The following RAPGEF2 variants were observed in gnomAD, a reference collection of about 807,000 sequenced individuals.
RAPGEF2 encodes the protein PDZ domain containing guanine nucleotide exchange factor (GEF) 1.
Under a neutral mutation model 186.7 loss-of-function variants are expected in RAPGEF2, and 54 were observed. That is an observed-to-expected ratio of 0.29 (90% CI 0.23 to 0.36). The LOEUF is 0.36. Ranked by LOEUF, RAPGEF2 falls within the 10% of genes least tolerant of loss-of-function variation. The pLI is 1.00. For missense variants in RAPGEF2, 1,532 were observed against 2,045.0 expected (o/e 0.75, Z 4.84); for synonymous variants, 712 against 705.9 (o/e 1.01, Z -0.14).
At chr4:159,113,519 T>A (rs929680158) in intron 1 of RAPGEF2, among the ~76,000 whole-genome samples, 1 of 152,038 alleles carries the variant, frequency 6.6e-6, no homozygotes, top group Non-Finnish European at 1.5e-5. Context: ...GGCGGGTGGA[T>A]CACCTGAAGT....
chr4:159,345,386 G>T (rs1231520649), intron 24 of RAPGEF2, 57 bp downstream of exon 24: 7 of 1,525,180 alleles, frequency 4.6e-6, no homozygotes, highest in Non-Finnish European at 6.3e-6. Flanking sequence ...TTTGTTTCCT[G>T]TGCAGTGGTA....
chr4:159,194,517 G>A (rs1748426258), intron 3 of RAPGEF2, among the ~76,000 whole-genome samples: 1 of 152,008 alleles, frequency 6.6e-6, no homozygotes, highest in African/African-American at 2.4e-5. Context: ...TCCCCTCCCA[G>A]CTCCAACTGG....
At chr4:159,239,270 G>A (rs1381467918) in intron 5 of RAPGEF2, among the ~76,000 whole-genome samples, 1 of 152,116 alleles carries the variant, frequency 6.6e-6, no homozygotes, top group Non-Finnish European at 1.5e-5. Flanking sequence ...GTTTGCTGGT[G>A]TGAGAACAAT....
chr4:159,137,296 T>C (rs779438536), intron 1 of RAPGEF2, among the ~76,000 whole-genome samples: 1 of 152,192 alleles, frequency 6.6e-6, no homozygotes, highest in South Asian at 2.1e-4. Flanking sequence ...GGCCTACTCC[T>C]GGCCTGCAGA....
At chr4:159,321,382 A>T (rs1031370449) in intron 9 of RAPGEF2, among the ~76,000 whole-genome samples, 8 of 151,962 alleles carry the variant, frequency 5.3e-5, no homozygotes, top group African/African-American at 1.7e-4. Context: ...AATTTTTAAA[A>T]TATTTTGTAG....
At chr4:159,268,822 CT>C (rs1330487911) in intron 7 of RAPGEF2, among the ~76,000 whole-genome samples, 1 of 152,142 alleles carries the variant, frequency 6.6e-6, no homozygotes, top group Non-Finnish European at 1.5e-5. Flanking sequence ...CCGAGAAAGA[CT>C]TTTCTATGCC....
In RAPGEF2 at chr4:159,186,651, A is replaced by G. The variant is rs144433075; in HGVS notation, c.79A>G (p.Ile27Val). 1.1e-5 allele frequency: 16 copies of G among 1,437,616 alleles called. No homozygotes were observed. In the East Asian group the frequency reaches 3.1e-4, roughly 28 times the overall value. The allele number at this position is 1,437,616 out of a possible 1,614,324, so 89.1% of individuals were successfully genotyped here. A position where few individuals can be genotyped will look rare whatever the true frequency, so the allele number is the denominator to read the frequency against. The change falls in exon 2 of 30, where the codon ATA becomes GTA. Residue 27 changes from isoleucine to valine, a missense_variant. By Grantham distance (29) the Ile-to-Val change is conservative. Coordinates refer to ENST00000691494, the MANE Select transcript of RAPGEF2 (RefSeq NM_001394067.2). ...PPERTPQDLE[I>V]VYSYLHGMEA... ...CTTTTCTTTGAAACAGGATCTGGAA[A>G]TAGTATATTCCTATTTACATGGTAT...
chr4:159,135,093 G>A (rs1490744682), intron 1 of RAPGEF2, among the ~76,000 whole-genome samples: 1 of 152,106 alleles, frequency 6.6e-6, no homozygotes, highest in African/African-American at 2.4e-5. Context: ...GCCCAGGCTG[G>A]AGTGCAGTGG....
At chr4:159,331,026 T>C (rs1301197878) in intron 13 of RAPGEF2, among the ~76,000 whole-genome samples, 1 of 152,182 alleles carries the variant, frequency 6.6e-6, no homozygotes, top group Non-Finnish European at 1.5e-5. Flanking sequence ...TCTGCACCCT[T>C]ACAGAGCTTT....
intron 1 of RAPGEF2, among the ~76,000 whole-genome samples, chr4:159,106,700 T>A: frequency 6.6e-6 from 1 of 152,130 alleles, no homozygotes; most frequent in East Asian, 1.9e-4. Flanking sequence ...ACATATGTAA[T>A]TTTTTTTCCT....
intron 13 of RAPGEF2, 110 bp from the exon 14 acceptor site, chr4:159,331,321 T>TTTA: frequency 1.6e-6 from 1 of 620,462 alleles, no homozygotes; most frequent in Non-Finnish European, 2.8e-6. Context: ...TATTTTCCTG[T>TTTA]TTATTATTAT....
chr4:159,356,224 G>T lies in RAPGEF2; in HGVS notation c.4957+66G>T. 2.0e-6 allele frequency: 3 copies of T among 1,478,820 alleles called. No homozygotes were observed. The African/African-American group carries it at 4.2e-5, about 20-fold the overall frequency. 91.6% of individuals were successfully genotyped at this position (1,478,820 alleles called of 1,614,324 possible). ...GTGTTCACTTGTGCTGCTTCCCAAG[G>T]CATTTCTGTTCTCTTAACACTGCAG... On this transcript the variant is annotated intron_variant, in intron 29 of 29. Transcript: ENST00000691494.
At chr4:159,230,611 T>G (rs989733311) in intron 4 of RAPGEF2, among the ~76,000 whole-genome samples, 4 of 152,192 alleles carry the variant, frequency 2.6e-5, no homozygotes, top group African/African-American at 9.6e-5. Flanking sequence ...AGAGATTTGG[T>G]CTTTATAGGT....
intron 3 of RAPGEF2, among the ~76,000 whole-genome samples, chr4:159,206,409 T>A (rs986898520): frequency 6.6e-6 from 1 of 152,206 alleles, no homozygotes; most frequent in Non-Finnish European, 1.5e-5. Context: ...TGTACTATTA[T>A]TATTATTGTC....
At position 159,342,526 on chromosome 4, in the gene RAPGEF2, C is replaced by CTTTTATTTTATTTTA. The variant is rs200624687; in HGVS notation, c.2919-441_2919-427dup. On this transcript the variant is annotated intron_variant, in intron 20 of 29. Coordinates refer to ENST00000691494, the MANE Select transcript of RAPGEF2 (RefSeq NM_001394067.2). ...AGTCATACTCTCATTACTATCATAGCTTTTATTTTATTTTATTTTATTTTA... is the reference window on the plus strand; with the variant it reads ...AGTCATACTCTCATTACTATCATAGCTTTTATTTTATTTTATTTTATTTTATTTTATTTTATTTTA... Among the ~76,000 whole-genome samples the CTTTTATTTTATTTTA allele has an allele frequency of 1.9e-3, 208 of 108,668 alleles. 4 individuals carry two copies. Among genetic ancestry groups the CTTTTATTTTATTTTA allele is most frequent in the African/African-American group, 6.4e-3 (172 of 26,726 alleles). The allele number at this position is 108,668 out of a possible 152,430, so 71.3% of individuals were successfully genotyped here.
At chr4:159,228,913 A>G (rs1449811893) in intron 4 of RAPGEF2, among the ~76,000 whole-genome samples, 1 of 152,136 alleles carries the variant, frequency 6.6e-6, no homozygotes, top group African/African-American at 2.4e-5. Flanking sequence ...AATTTTTGAG[A>G]ATGGAATTGA....
chr4:159,120,339 G>A (rs1739530090), intron 1 of RAPGEF2, among the ~76,000 whole-genome samples: 1 of 152,016 alleles, frequency 6.6e-6, no homozygotes, highest in Non-Finnish European at 1.5e-5. Context: ...CTTCTTATAA[G>A]TATATATTTT....
At chr4:159,246,120 A>T (rs576397274) in intron 7 of RAPGEF2, among the ~76,000 whole-genome samples, 160 of 152,308 alleles carry the variant, frequency 1.1e-3, no homozygotes, top group Non-Finnish European at 2.0e-3. Flanking sequence ...GTAAAAGGAT[A>T]TCTCCCACAC....
At chr4:159,248,646 C>CT (rs1200763093) in intron 7 of RAPGEF2, among the ~76,000 whole-genome samples, 1 of 152,170 alleles carries the variant, frequency 6.6e-6, no homozygotes, top group African/African-American at 2.4e-5. Flanking sequence ...TTTAGGGGGA[C>CT]TAACTCTCTT....
Sources: allele counts gnomAD v4.1 joint callset (sites outside exome capture counted in the v4.1 genomes callset), GRCh38; gene constraint gnomAD v4.1.1; transcripts MANE v1.5; gene names NCBI Gene and HGNC (gene_info 2026-07-23, HGNC 2026-07-21).